The following WASHC2C variants were observed in gnomAD, a reference collection of about 807,000 sequenced individuals.
The protein encoded by WASHC2C is Vaccinia Penetration Factor.
WASHC2C carries 73 observed loss-of-function variants against 142.2 expected under a neutral mutation model. The observed-to-expected ratio is 0.51, with a 90% CI of 0.43 to 0.62. The LOEUF (loss-of-function observed/expected upper bound fraction) is 0.62. Ranked by LOEUF, WASHC2C falls within the 20% of genes least tolerant of loss-of-function variation. The probability of loss-of-function intolerance (pLI) is 0.00; values close to 1 mark genes in which losing one functional copy is unlikely to be tolerated. For missense variants in WASHC2C, 969 were observed against 1,531.7 expected, an observed-to-expected ratio of 0.63 and a Z score of 6.13; for synonymous variants, 337 against 565.5, an observed-to-expected ratio of 0.60 and a Z score of 5.73.
rs542717766 is a variant in WASHC2C, at chr10:45,737,882, C to T, written c.292-101C>T. 6.6e-5 allele frequency: 106 copies of T among 1,609,430 alleles called. No individual in the cohort carries two copies. The African/African-American group carries it at 1.3e-3, about 20-fold the overall frequency. ...CAGCCCTTTGCTGAATAACCATTTCCTTCCGCATCTTTGTCCTTAGTTACT... is the reference window on the plus strand; with the variant it reads ...CAGCCCTTTGCTGAATAACCATTTCTTTCCGCATCTTTGTCCTTAGTTACT... On this transcript the variant is annotated intron_variant, in intron 3 of 30. Transcript: ENST00000623400.
At chr10:45,745,325 T>C (rs1159837975) in intron 7 of WASHC2C, among the ~76,000 whole-genome samples, 15 of 152,170 alleles carry the variant, frequency 9.9e-5, no homozygotes, top group South Asian at 2.1e-4. Flanking sequence ...TCTATTTTGC[T>C]GCTGCCGCTA....
chr10:45,739,441 G>A (rs2051705549), intron 4 of WASHC2C, among the ~76,000 whole-genome samples: 1 of 151,034 alleles, frequency 6.6e-6, no homozygotes, highest in Non-Finnish European at 1.5e-5. Context: ...GAGAACTGCT[G>A]TTGCAGGAAG....
intron 3 of WASHC2C, among the ~76,000 whole-genome samples, chr10:45,736,419 A>AG (rs2051272319): frequency 6.9e-6 from 1 of 145,814 alleles, no homozygotes; most frequent in East Asian, 1.9e-4. Context: ...AAAAAAAAAA[A>AG]AAAAAAAAAA....
At chr10:45,733,708 A>C (rs1484615619) in intron 3 of WASHC2C, among the ~76,000 whole-genome samples, 1 of 152,096 alleles carries the variant, frequency 6.6e-6, no homozygotes, top group African/African-American at 2.4e-5. Flanking sequence ...CTGATGGGTA[A>C]CCATGGTAGC....
intron 20 of WASHC2C, chr10:45,771,388 C>T (rs71496657): frequency 0.055 from 49,297 of 901,976 alleles, 1,464 homozygotes; most frequent in Non-Finnish European, 0.06. Context: ...AAAAAAAAGG[C>T]CTTTCCTAAC....
At chr10:45,773,664 A>G (rs1323063870) in intron 21 of WASHC2C, among the ~76,000 whole-genome samples, 1 of 152,256 alleles carries the variant, frequency 6.6e-6, no homozygotes, top group African/African-American at 2.4e-5. Flanking sequence ...CATTCCTTTT[A>G]TGAGTGTGTG....
At chr10:45,752,087 TTCTTG>T (rs2053661313) in intron 11 of WASHC2C, among the ~76,000 whole-genome samples, 1 of 152,186 alleles carries the variant, frequency 6.6e-6, no homozygotes, top group Non-Finnish European at 1.5e-5. Flanking sequence ...CAGCAATCAT[TTCTTG>T]TCTTCCTAGA....
intron 6 of WASHC2C, 100 bp downstream of exon 6, chr10:45,743,583 C>T (rs1336104708): frequency 7.7e-7 from 1 of 1,306,510 alleles, no homozygotes; most frequent in African/African-American, 1.5e-5. Context: ...GTTCAAAGAA[C>T]TCTCATATAC....
intron 28 of WASHC2C, among the ~76,000 whole-genome samples, chr10:45,788,409 C>T (rs2135794608): frequency 6.6e-6 from 1 of 152,306 alleles, no homozygotes; most frequent in Admixed American, 6.5e-5. Flanking sequence ...TGTCATGTTT[C>T]TCCCCGCTCC....
At chr10:45,733,353 T>C (rs2050830403) in intron 3 of WASHC2C, among the ~76,000 whole-genome samples, 1 of 152,178 alleles carries the variant, frequency 6.6e-6, no homozygotes, top group Non-Finnish European at 1.5e-5. Context: ...AGAGTACGCA[T>C]AAATGAAAGG....
chr10:45,739,197 A>G (rs1435918505), intron 4 of WASHC2C, among the ~76,000 whole-genome samples: 4 of 151,518 alleles, frequency 2.6e-5, no homozygotes, highest in Non-Finnish European at 5.9e-5. Context: ...AGAATCAAGC[A>G]TATCCAAATA....
intron 3 of WASHC2C, among the ~76,000 whole-genome samples, 194 bp downstream of exon 3, chr10:45,729,220 A>T (rs538899519): frequency 6.6e-6 from 1 of 152,272 alleles, no homozygotes; most frequent in South Asian, 2.1e-4. Context: ...CCTCTAAAAA[A>T]GTCTAATGAT....
At chr10:45,754,596 G>C (rs2446524) in intron 14 of WASHC2C, 51 bp downstream of exon 14, 41,814 of 1,460,680 alleles carry the variant, frequency 0.029, 680 homozygotes, top group African/African-American at 0.092. Flanking sequence ...ACTGTTTTTT[G>C]CATTTCAAAA....
At chr10:45,735,937 T>C (rs4949017) in intron 3 of WASHC2C, among the ~76,000 whole-genome samples, 151,544 of 152,160 alleles carry the variant, frequency 1, 75,470 homozygotes, top group Middle Eastern at 1. Context: ...GGTAAAATCC[T>C]TCTCTAGGTA....
Position 45,743,382 on chromosome 10 carries a change from A to G in WASHC2C, c.529-8A>G. 3 of 1,611,982 alleles carry G rather than the reference A, an allele frequency of 1.9e-6. No individual in the cohort carries two copies. Among genetic ancestry groups the G allele is most frequent in the Non-Finnish European group, 2.5e-6 (3 of 1,179,850 alleles). ...TGTTTGACAGCCTATTCCTTTCATC[A>G]TGTACAGGATCTATACATTGATCGT... On this transcript the variant is annotated splice_polypyrimidine_tract_variant and splice_region_variant and intron_variant, in intron 5 of 30. Transcript: ENST00000623400.
In WASHC2C at chr10:45,727,465, G is replaced by T. The variant is rs750336718; in HGVS notation, c.52G>T (p.Val18Leu). ...DQELVPASEP[V>L]WERPWSVEEI... ...GGAGCTGGTGCCGGCGTCGGAGCCC[G>T]TGTGGGAGCGGCCGTGGTCGGTGGA... The change falls in exon 2 of 31, where the codon GTG becomes TTG. Residue 18 changes from valine (V) to leucine (L), a missense_variant. Val to Leu is a conservative substitution (Grantham distance 32, BLOSUM62 1). Transcript: ENST00000623400. 1 of 1,610,300 alleles carries T rather than the reference G, an allele frequency of 6.2e-7. No homozygotes were observed. Among genetic ancestry groups the T allele is most frequent in the East Asian group, 2.2e-5 (1 of 44,760 alleles).
chr10:45,789,245 A>G lies in WASHC2C; in HGVS notation c.3462A>G (p.Ile1154Met). 1 of 1,612,084 alleles carries G rather than the reference A, an allele frequency of 6.2e-7. No individual in the cohort carries two copies. Among genetic ancestry groups the G allele is most frequent in the Non-Finnish European group, 8.5e-7 (1 of 1,179,872 alleles). ...SVERTKPKAKIAENPANPPVG... is the reference protein window; with the variant it reads ...SVERTKPKAKMAENPANPPVG... The stretch of plus-strand genomic sequence containing the variant: ...AGAGAACAAAACCCAAGGCAAAGAT[A>G]GCAGAGAATCCTGCCAACCCACCAG... The change falls in exon 29 of 31, where the codon ATA becomes ATG. Residue 1154 changes from isoleucine to methionine, a missense_variant. Coordinates refer to ENST00000623400, the MANE Select transcript of WASHC2C (RefSeq NM_001330074.2).
At chr10:45,775,171 C>T (rs1251570540) in intron 21 of WASHC2C, among the ~76,000 whole-genome samples, 3 of 147,896 alleles carry the variant, frequency 2.0e-5, no homozygotes, top group Non-Finnish European at 4.5e-5. Context: ...TCAGACTTTC[C>T]TTATTTTCTG....
At chr10:45,755,302 A>G (rs557949873) in intron 15 of WASHC2C, among the ~76,000 whole-genome samples, 187 bp downstream of exon 15, 271 of 152,312 alleles carry the variant, frequency 1.8e-3, no homozygotes, top group African/African-American at 6.1e-3. Flanking sequence ...TTATGACCCA[A>G]TCTTTTCTGC....
Sources: allele counts gnomAD v4.1 joint callset (sites outside exome capture counted in the v4.1 genomes callset), GRCh38; gene constraint gnomAD v4.1.1; transcripts MANE v1.5; gene names NCBI Gene and HGNC (gene_info 2026-07-23, HGNC 2026-07-21).